Variants in LSAMP observed in about 807,000 individuals in gnomAD.
LSAMP encodes limbic system-associated membrane protein.
A neutral mutation model predicts 38.6 loss-of-function variants in LSAMP; 7 were observed. That is an observed-to-expected ratio of 0.18 (90% confidence interval 0.10 to 0.34). The LOEUF is 0.34. Among genes scored for constraint, LSAMP ranks in the 10% least tolerant of loss-of-function variants. LSAMP has a pLI of 1.00. For synonymous variants in LSAMP, 154 were observed against 166.8 expected, an observed-to-expected ratio of 0.92 and a Z score of 0.59; for missense variants, 313 against 420.0, an observed-to-expected ratio of 0.75 and a Z score of 2.23.
At chr3:115,861,911 C>G (rs973820731) in intron 3 of LSAMP, among the ~76,000 whole-genome samples, 5 of 152,124 alleles carry the variant, frequency 3.3e-5, no homozygotes, top group African/African-American at 1.2e-4. Context: ...GATGTAGCTC[C>G]TAAAGCCAGC....
intron 1 of LSAMP, among the ~76,000 whole-genome samples, chr3:116,343,646 G>T (rs1254863255): frequency 6.6e-6 from 1 of 152,084 alleles, no homozygotes; most frequent in Non-Finnish European, 1.5e-5. Context: ...TTCACTGATA[G>T]CGTGGGTCTC....
rs1416301616 is a variant in LSAMP, at chr3:116,113,425, T to A, written c.156-26869A>T. Among the ~76,000 whole-genome samples, 349 of 116,486 alleles carry A rather than the reference T, an allele frequency of 3.0e-3. 1 individual carries two copies. The highest frequency in any genetic ancestry group is 0.011 in the African/African-American group (316 of 27,802). 76.4% of individuals were successfully genotyped at this position (116,486 alleles called of 152,430 possible). On this transcript the variant is annotated intron_variant, in intron 1 of 6. Transcript: ENST00000490035. Reference sequence around the variant, plus strand: ...CTATATATATATATATATATATTTTTTTTTTTTTTTTTTTTTTTGAGATGG... The same window carrying A: ...CTATATATATATATATATATATTTTATTTTTTTTTTTTTTTTTTGAGATGG...
chr3:115,942,177 A>C (rs190546665), intron 3 of LSAMP, among the ~76,000 whole-genome samples: 1 of 152,274 alleles, frequency 6.6e-6, no homozygotes, highest in African/African-American at 2.4e-5. Context: ...CAAAAATGGA[A>C]GGAGAAGTTA....
At chr3:115,978,352 T>A (rs1423707564) in intron 3 of LSAMP, among the ~76,000 whole-genome samples, 1 of 152,148 alleles carries the variant, frequency 6.6e-6, no homozygotes, top group African/African-American at 2.4e-5. Context: ...GCAGACATGA[T>A]AATCCTCATT....
At chr3:116,297,324 A>G (rs1442173693) in intron 1 of LSAMP, among the ~76,000 whole-genome samples, 1 of 152,186 alleles carries the variant, frequency 6.6e-6, no homozygotes, top group Non-Finnish European at 1.5e-5. Flanking sequence ...ATTGGATATT[A>G]TTGGGGTGGT....
chr3:116,367,438 C>T (rs990125497), intron 1 of LSAMP, among the ~76,000 whole-genome samples: 2 of 151,454 alleles, frequency 1.3e-5, no homozygotes, highest in Non-Finnish European at 2.9e-5. Flanking sequence ...ACCTGTGTTT[C>T]TCTACCTCTA....
At chr3:116,278,012 C>T (rs975145285) in intron 1 of LSAMP, among the ~76,000 whole-genome samples, 6 of 152,150 alleles carry the variant, frequency 3.9e-5, no homozygotes, top group Non-Finnish European at 7.4e-5. Flanking sequence ...GCTGATGAAA[C>T]TGCACATTTA....
intron 3 of LSAMP, among the ~76,000 whole-genome samples, chr3:115,956,541 A>G (rs1938460293): frequency 6.6e-6 from 1 of 152,108 alleles, no homozygotes; most frequent in Admixed American, 6.5e-5. Flanking sequence ...AGTTCAGACT[A>G]TTCTTTGGTA....
chr3:116,025,382 A>G (rs763839192), intron 2 of LSAMP, among the ~76,000 whole-genome samples: 8 of 152,090 alleles, frequency 5.3e-5, no homozygotes, highest in Non-Finnish European at 1.0e-4. Flanking sequence ...AATATTTACA[A>G]TTTATTCTTT....
intron 3 of LSAMP, among the ~76,000 whole-genome samples, chr3:115,883,927 C>T (rs532566837): frequency 6.6e-6 from 1 of 152,050 alleles, no homozygotes; most frequent in South Asian, 2.1e-4. Context: ...ATAAGTCAAA[C>T]TAAGAAACTC....
Position 115,852,474 on chromosome 3 carries a change from C to T in LSAMP, c.649+9G>A, listed in dbSNP as rs369234735. ...GCACCTAGCACCTGCTGGCTCCTGC[C>T]GTACTCACAGTTCACAGTGACCTTG... On this transcript the variant is annotated intron_variant, in intron 4 of 6. Transcript: ENST00000490035. The T allele has an allele frequency of 9.8e-5, 158 of 1,606,342 alleles. No individual in the cohort carries two copies. The highest frequency in any genetic ancestry group is 1.2e-4 in the Non-Finnish European group (140 of 1,176,756).
intron 1 of LSAMP, among the ~76,000 whole-genome samples, chr3:116,276,520 G>A (rs1235516867): frequency 6.6e-6 from 1 of 151,872 alleles, no homozygotes; most frequent in South Asian, 2.1e-4. Context: ...TTGGGGACTT[G>A]CAGGGAAGGG....
chr3:115,998,529 C>T (rs896194309), intron 3 of LSAMP, among the ~76,000 whole-genome samples: 1 of 151,928 alleles, frequency 6.6e-6, no homozygotes, highest in Non-Finnish European at 1.5e-5. Context: ...AGAAAAACAA[C>T]ATCCTTGACC....
Position 116,444,953 on chromosome 3 carries a change from G to C in LSAMP, c.79C>G (p.Leu27Val), listed in dbSNP as rs751995047. The change falls in exon 1 of 7, where the codon CTG becomes GTG. Residue 27 changes from leucine to valine, a missense_variant. Transcript: ENST00000490035. Reference sequence around the variant, plus strand: ...TTAAAATCCACGCTGCGAACAGGCAGTCCTGTGGGAAGAAGGCAGAGCAAT... The same window carrying C: ...TTAAAATCCACGCTGCGAACAGGCACTCCTGTGGGAAGAAGGCAGAGCAAT... Reference protein sequence around the residue: ...LRLLCLLPTGLPVRSVDFNRG... With the variant: ...LRLLCLLPTGVPVRSVDFNRG... 8.7e-6 allele frequency: 14 copies of C among 1,614,004 alleles called. No homozygotes were observed. The highest frequency in any genetic ancestry group is 1.1e-5 in the Non-Finnish European group (13 of 1,180,018).
intron 1 of LSAMP, among the ~76,000 whole-genome samples, chr3:116,130,151 C>T (rs969683511): frequency 1.3e-5 from 2 of 152,114 alleles, no homozygotes; most frequent in Admixed American, 6.6e-5. Context: ...TCATGGCTGC[C>T]CTACCTACCT....
intron 1 of LSAMP, among the ~76,000 whole-genome samples, chr3:116,106,442 C>CA (rs918676706): frequency 4.6e-5 from 7 of 152,166 alleles, no homozygotes; most frequent in African/African-American, 1.7e-4. Context: ...AGTGTCTATA[C>CA]AGCAGCTCAA....
chr3:115,898,598 CATATATATAT>C (rs10527269), intron 3 of LSAMP, among the ~76,000 whole-genome samples: 27,219 of 142,050 alleles, frequency 0.19, 2,694 homozygotes, highest in African/African-American at 0.26. Flanking sequence ...CATGAAGATG[CATATATATAT>C]ATATATATAT....
At chr3:116,010,716 A>G (rs891769134) in intron 3 of LSAMP, among the ~76,000 whole-genome samples, 2 of 152,188 alleles carry the variant, frequency 1.3e-5, no homozygotes, top group Admixed American at 1.3e-4. Flanking sequence ...CTAGACAGAG[A>G]ACTTTCCTGA....
At chr3:116,390,005 A>C (rs2048671862) in intron 1 of LSAMP, among the ~76,000 whole-genome samples, 1 of 152,172 alleles carries the variant, frequency 6.6e-6, no homozygotes, top group South Asian at 2.1e-4. Flanking sequence ...AATGTCCACC[A>C]GTTGTGAATG....
Sources: allele counts gnomAD v4.1 joint callset (sites outside exome capture counted in the v4.1 genomes callset), GRCh38; gene constraint gnomAD v4.1.1; transcripts MANE v1.5; gene names NCBI Gene and HGNC (gene_info 2026-07-23, HGNC 2026-07-21).